ITIH5: variants seen among roughly 807,000 people sequenced by gnomAD.
ITIH5 encodes inter-alpha-trypsin inhibitor heavy chain H5.
ITIH5 carries 65 observed loss-of-function variants against 77.5 expected under a neutral mutation model. The observed-to-expected ratio is 0.84, with a 90% CI of 0.69 to 1.03. The LOEUF (loss-of-function observed/expected upper bound fraction) is 1.03. ITIH5 is among the 50% of genes least tolerant of loss of function. ITIH5 has a pLI of 0.00. For synonymous variants in ITIH5, 525 were observed against 494.3 expected (o/e 1.06, Z -0.82); for missense variants, 1,208 against 1,213.1 (o/e 1.00, Z 0.06).
chr10:7,574,876 G>A (rs774780288), intron 10 of ITIH5, among the ~76,000 whole-genome samples: 2 of 146,918 alleles, frequency 1.4e-5, no homozygotes, highest in East Asian at 2.0e-4. Flanking sequence ...CTGGCCCCCC[G>A]AGTCTTGTAT....
chr10:7,576,849 C>A lies in ITIH5; in HGVS notation c.1582G>T (p.Val528Leu). The A allele has an allele frequency of 6.2e-7, 1 of 1,614,180 alleles. No homozygotes were observed. Among genetic ancestry groups the A allele is most frequent in the East Asian group, 2.2e-5 (1 of 44,882 alleles). Residue 528 changes from valine (V) to leucine (L), a missense_variant, in exon 10 of 14, where the codon GTG becomes TTG. Transcript: ENST00000397146. Reference sequence around the variant, plus strand: ...TTACTGTTGCTGGCGGTGACCTCCACGTGCAGGTGATCCAGCTTCCTGTCC... The same window carrying A: ...TTACTGTTGCTGGCGGTGACCTCCAAGTGCAGGTGATCCAGCTTCCTGTCC... ...LVDRKLDHLH[V>L]EVTASNSKKF...
chr10:7,664,559 A>G (rs2131121968), intron 1 of ITIH5, among the ~76,000 whole-genome samples: 1 of 152,282 alleles, frequency 6.6e-6, no homozygotes. Flanking sequence ...CCAAGGGTGA[A>G]AACCACTGCT....
At chr10:7,621,994 C>A (rs763946548) in intron 5 of ITIH5, 7 of 152,232 alleles carry the variant, frequency 4.6e-5, no homozygotes, top group Non-Finnish European at 8.8e-5. Context: ...TTCTTGCCCA[C>A]TTCTATGGTG....
chr10:7,653,700 C>G (rs888988044), intron 2 of ITIH5, among the ~76,000 whole-genome samples: 20 of 152,122 alleles, frequency 1.3e-4, no homozygotes, highest in African/African-American at 4.1e-4. Flanking sequence ...ATACATATAA[C>G]TGAGAGGCCC....
At chr10:7,648,176 A>C (rs775067990) in intron 2 of ITIH5, among the ~76,000 whole-genome samples, 30 of 151,896 alleles carry the variant, frequency 2.0e-4, no homozygotes, top group Non-Finnish European at 3.8e-4. Flanking sequence ...CCTGGGAAGC[A>C]GAGCTTCCAG....
At chr10:7,581,914 C>T (rs1253386368) in intron 8 of ITIH5, among the ~76,000 whole-genome samples, 34 of 132,606 alleles carry the variant, frequency 2.6e-4, no homozygotes, top group African/African-American at 8.5e-4. Context: ...CATGCTCTTT[C>T]GCCCAAGGTG....
chr10:7,656,486 A>C (rs893132667), intron 1 of ITIH5, among the ~76,000 whole-genome samples: 3 of 152,178 alleles, frequency 2.0e-5, no homozygotes, highest in Admixed American at 6.5e-5. Context: ...AAGTGCTGAG[A>C]TTTATAGGCG....
rs753119738 is a variant in ITIH5, at chr10:7,576,914, T to C, written c.1517A>G (p.Tyr506Cys). 10 of 1,613,970 alleles carry C rather than the reference T, an allele frequency of 6.2e-6. No individual in the cohort carries two copies. In the South Asian group the frequency reaches 9.9e-5, roughly 16 times the overall value. ...AATGATGATCTCCGAGCCGTTGAAG[T>C]AGTTGGGGAACAGGGTCTTGGTGGC... is the stretch of plus-strand genomic sequence containing the variant. ...VQATKTLFPN[Y>C]FNGSEIIIAG... Residue 506 changes from tyrosine to cysteine, a missense_variant, in exon 10 of 14, where the codon TAC becomes TGC. Physicochemically the swap from Tyr to Cys is radical, Grantham distance 194. Coordinates refer to ENST00000397146, the MANE Select transcript of ITIH5 (RefSeq NM_030569.7).
At position 7,637,490 on chromosome 10, in the gene ITIH5, A is replaced by G. The variant is rs1833821770; in HGVS notation, c.402-12T>C. 6.2e-7 allele frequency: 1 copy of G among 1,612,840 alleles called. No individual in the cohort carries two copies. Among genetic ancestry groups the G allele is most frequent in the African/African-American group, 1.3e-5 (1 of 74,734 alleles). The stretch of plus-strand genomic sequence containing the variant: ...CAGTCCCCTTCTCTCTGTCAGGAAA[A>G]AGGAAAAGGACCCCAGGGAGGTTCG... On this transcript the variant is annotated splice_polypyrimidine_tract_variant and intron_variant, in intron 4 of 13. Coordinates refer to ENST00000397146, the MANE Select transcript of ITIH5 (RefSeq NM_030569.7).
intron 2 of ITIH5, among the ~76,000 whole-genome samples, chr10:7,652,955 ATGTCCAAATCC>A (rs1834124338): frequency 6.6e-6 from 1 of 152,220 alleles, no homozygotes; most frequent in African/African-American, 2.4e-5. Context: ...ATAATTTAAA[ATGTCCAAATCC>A]TTGTTATGGA....
At chr10:7,580,262 A>G (rs1322725356) in intron 8 of ITIH5, among the ~76,000 whole-genome samples, 198 bp from the exon 9 acceptor site, 1 of 152,224 alleles carries the variant, frequency 6.6e-6, no homozygotes, top group Non-Finnish European at 1.5e-5. Flanking sequence ...CTGGGATTAC[A>G]GGTGCACACC....
intron 7 of ITIH5, among the ~76,000 whole-genome samples, chr10:7,609,238 C>G (rs888762283): frequency 6.6e-6 from 1 of 152,176 alleles, no homozygotes; most frequent in African/African-American, 2.4e-5. Flanking sequence ...GCACTTGATA[C>G]GCACTGATCA....
chr10:7,573,908 A>G (rs537042689), intron 10 of ITIH5, among the ~76,000 whole-genome samples: 2 of 152,306 alleles, frequency 1.3e-5, no homozygotes, highest in South Asian at 2.1e-4. Context: ...GCAAGATGGA[A>G]AAGTTCTAGA....
At chr10:7,611,147 G>A (rs1376307613) in intron 7 of ITIH5, among the ~76,000 whole-genome samples, 2 of 152,370 alleles carry the variant, frequency 1.3e-5, no homozygotes, top group Non-Finnish European at 2.9e-5. Flanking sequence ...TTAGTTCTCA[G>A]ACTTCAGACC....
At chr10:7,640,922 T>G in intron 3 of ITIH5, 67 bp from the exon 4 acceptor site, 1 of 1,011,902 alleles carries the variant, frequency 9.9e-7, no homozygotes. Context: ...ATGGATCTTA[T>G]AACCATGACA....
chr10:7,611,080 C>A (rs943663021), intron 7 of ITIH5, among the ~76,000 whole-genome samples: 2 of 152,238 alleles, frequency 1.3e-5, no homozygotes, highest in East Asian at 3.8e-4. Flanking sequence ...CTTCTGCCAG[C>A]TGCATACATG....
In ITIH5 at chr10:7,629,107, A is replaced by G. The variant is rs113025159; in HGVS notation, c.652+8121T>C. ...TGTATCCATGTTGTAGTGTGTGTCC[A>G]TGTTGTAGAGTGTGTCCGTGTTGTA... On this transcript the variant is annotated intron_variant, in intron 5 of 13. Coordinates refer to ENST00000397146, the MANE Select transcript of ITIH5 (RefSeq NM_030569.7). Among the ~76,000 whole-genome samples, 21 of 97,800 alleles carry G rather than the reference A, an allele frequency of 2.1e-4. 3 individuals are homozygous for G. The highest frequency in any genetic ancestry group is 3.1e-4 in the East Asian group (1 of 3,250). 64.2% of individuals were successfully genotyped at this position (97,800 alleles called of 152,430 possible).
At chr10:7,604,149 C>T (rs1015933593) in intron 7 of ITIH5, among the ~76,000 whole-genome samples, 14 of 152,210 alleles carry the variant, frequency 9.2e-5, no homozygotes, top group African/African-American at 3.4e-4. Flanking sequence ...TGCTCACATG[C>T]TTCCAGGCTA....
intron 1 of ITIH5, among the ~76,000 whole-genome samples, chr10:7,663,668 CTAGA>C (rs1445793752): frequency 6.6e-6 from 1 of 152,170 alleles, no homozygotes; most frequent in Non-Finnish European, 1.5e-5. Context: ...CTCCCAAAGC[CTAGA>C]TCCACCCCTG....
Sources: gnomAD v4.1 joint callset for allele counts (sites outside exome capture counted in the v4.1 genomes callset) on GRCh38, gnomAD v4.1.1 for gene constraint, MANE v1.5 for transcripts, NCBI Gene and HGNC (gene_info 2026-07-23, HGNC 2026-07-21) for gene names.